The following PKHD1L1 variants were observed in gnomAD, a reference collection of about 807,000 sequenced individuals.
PKHD1L1 encodes the protein PKHD1 like 1, also known as fibrocystin-L.
In PKHD1L1, 434 loss-of-function variants were observed where a neutral mutation model predicts 462.9. The observed-to-expected ratio is 0.94, with a 90% CI of 0.87 to 1.02. The LOEUF (loss-of-function observed/expected upper bound fraction) is 1.02, where lower values mean the gene tolerates loss of function less well. Among genes scored for constraint, PKHD1L1 ranks in the 50% least tolerant of loss-of-function variants. The pLI is 0.00. For missense variants in PKHD1L1, 5,202 were observed against 5,096.1 expected, an observed-to-expected ratio of 1.02 and a Z score of -0.63; for synonymous variants, 1,781 against 1,750.0, an observed-to-expected ratio of 1.02 and a Z score of -0.44.
In PKHD1L1 at chr8:109,438,420, A is replaced by G. The variant is rs540463740; in HGVS notation, c.3724A>G (p.Ile1242Val). ...FSYNCLQTPI[I>V]TDFSPKVRTI... ...TTATAATTGTTTACAGACACCAATTATAACTGATTTTAGTCCAAAAGTACG... is the reference window on the plus strand; with the variant it reads ...TTATAATTGTTTACAGACACCAATTGTAACTGATTTTAGTCCAAAAGTACG... Residue 1242 changes from isoleucine (I) to valine (V), a missense_variant, in exon 31 of 78, where the codon ATA (isoleucine) becomes GTA (valine). Physicochemically the swap from Ile to Val is conservative, Grantham distance 29. This residue lies in a region of PKHD1L1 where 4,497 missense variants were observed against 4,336.8 expected (regional missense o/e 1.04). Coordinates refer to ENST00000378402, the MANE Select transcript of PKHD1L1 (RefSeq NM_177531.6). 1.4e-5 allele frequency: 22 copies of G among 1,541,138 alleles called. No homozygotes were observed. The East Asian group carries it at 4.9e-4, about 34-fold the overall frequency.
chr8:109,365,957 A>G (rs745975198), intron 2 of PKHD1L1, among the ~76,000 whole-genome samples: 25 of 152,172 alleles, frequency 1.6e-4, no homozygotes, highest in Non-Finnish European at 2.1e-4. Flanking sequence ...CTGGCGACAG[A>G]GCGAGTCTCC....
intron 55 of PKHD1L1, among the ~76,000 whole-genome samples, chr8:109,481,007 C>G (rs964735428): frequency 6.6e-6 from 1 of 151,756 alleles, no homozygotes; most frequent in Non-Finnish European, 1.5e-5. Flanking sequence ...ATATGTGAAG[C>G]CTTACACATT....
At chr8:109,518,123 T>C in intron 72 of PKHD1L1, 44 bp from the exon 73 acceptor site, 1 of 1,215,180 alleles carries the variant, frequency 8.2e-7, no homozygotes, top group South Asian at 1.5e-5. Context: ...ATTGTGATAA[T>C]ATAAAATACT....
At position 109,401,473 on chromosome 8, in the gene PKHD1L1, CTG is replaced by C; in HGVS notation, c.1282-22_1282-21del. 4 of 1,281,624 alleles carry C rather than the reference CTG, an allele frequency of 3.1e-6. No individual in the cohort carries two copies. In the South Asian group the frequency reaches 5.1e-5, roughly 16 times the overall value. The allele number at this position is 1,281,624 out of a possible 1,614,324, so 79.4% of individuals were successfully genotyped here. On this transcript the variant is annotated intron_variant, in intron 13 of 77. Coordinates refer to ENST00000378402, the MANE Select transcript of PKHD1L1 (RefSeq NM_177531.6). Reference sequence around the variant, plus strand: ...TCTATTAATAAATTCTCCCTTTTCTCTGTCTCTGTCTCTCTCGGATTAGGTGA... The same window carrying C: ...TCTATTAATAAATTCTCCCTTTTCTCTCTCTGTCTCTCTCGGATTAGGTGA...
At chr8:109,446,888 A>T (rs957742977) in intron 38 of PKHD1L1, among the ~76,000 whole-genome samples, 1 of 152,178 alleles carries the variant, frequency 6.6e-6, no homozygotes, top group Non-Finnish European at 1.5e-5. Flanking sequence ...GTCAAGCAAA[A>T]TTAAATGTTA....
Position 109,382,521 on chromosome 8 carries a change from G to C in PKHD1L1, c.367G>C (p.Glu123Gln). 1.2e-6 allele frequency: 2 copies of C among 1,612,666 alleles called. No individual in the cohort carries two copies. The highest frequency in any genetic ancestry group is 1.7e-6 in the Non-Finnish European group (2 of 1,179,226). ...CAGTGTGGACGGGGTTCCTGTTACG[G>C]AAAATAACACCTGCAAAGGTCACAT... The part of the protein sequence containing the change: ...RVSVDGVPVT[E>Q]NNTCKGHINS... The change falls in exon 4 of 78, where the codon GAA becomes CAA. Residue 123 changes from glutamate to glutamine, a missense_variant. Around this residue, in one of 3 missense-constraint regions of PKHD1L1, gnomAD observed 4,497 missense variants for 4,336.8 expected, o/e 1.04. Transcript: ENST00000378402.
rs761584410 is a variant in PKHD1L1 at position 109,448,283 on chromosome 8, G to A, written c.5917G>A (p.Ala1973Thr). The change falls in exon 39 of 78, where the codon GCT becomes ACT. Residue 1973 changes from alanine (A) to threonine (T), a missense_variant. Coordinates refer to ENST00000378402, the MANE Select transcript of PKHD1L1 (RefSeq NM_177531.6). The stretch of plus-strand genomic sequence containing the variant: ...GGTGCAGTGCATCGTGGGAGATCAT[G>A]CTGGGGGCACATTTCCTGTTATGAT... ...SVVQCIVGDH[A>T]GGTFPVMMHH... The A allele has an allele frequency of 5.0e-6, 8 of 1,613,576 alleles. No individual in the cohort carries two copies. In the East Asian group the frequency reaches 1.6e-4, roughly 31 times the overall value.
At chr8:109,427,987 C>A (rs1814857617) in intron 25 of PKHD1L1, among the ~76,000 whole-genome samples, 1 of 135,738 alleles carries the variant, frequency 7.4e-6, no homozygotes, top group South Asian at 2.5e-4. Context: ...ATTGCCATTG[C>A]ACTCCAGCCT....
At chr8:109,508,803 T>A (rs574859277) in intron 70 of PKHD1L1, among the ~76,000 whole-genome samples, 22 of 152,236 alleles carry the variant, frequency 1.4e-4, no homozygotes, top group African/African-American at 5.1e-4. Context: ...AGCTCTAGCA[T>A]CAGGTTTCTT....
intron 35 of PKHD1L1, among the ~76,000 whole-genome samples, chr8:109,442,709 A>G (rs1406258486): frequency 2.0e-5 from 3 of 152,142 alleles, no homozygotes; most frequent in Non-Finnish European, 4.4e-5. Flanking sequence ...CAGACTTGCC[A>G]TGGTTTTCTA....
Position 109,485,039 on chromosome 8 carries a change from C to A in PKHD1L1, c.9577-5C>A. Reference sequence around the variant, plus strand: ...TCTTAAATTTGGCACTTGAATTTTTCTAAGGAGGGAGAAGAGATTGTGATA... The same window carrying A: ...TCTTAAATTTGGCACTTGAATTTTTATAAGGAGGGAGAAGAGATTGTGATA... On this transcript the variant is annotated splice_region_variant and splice_polypyrimidine_tract_variant and intron_variant, in intron 57 of 77. Coordinates refer to ENST00000378402, the MANE Select transcript of PKHD1L1 (RefSeq NM_177531.6). 1 of 1,558,614 alleles carries A rather than the reference C, an allele frequency of 6.4e-7. No homozygotes were observed. The highest frequency in any genetic ancestry group is 8.6e-7 in the Non-Finnish European group (1 of 1,158,200).
At chr8:109,444,114 C>CT (rs1215773989) in intron 37 of PKHD1L1, among the ~76,000 whole-genome samples, 1 of 97,764 alleles carries the variant, frequency 1.0e-5, no homozygotes, top group African/African-American at 4.8e-5. Context: ...TTTTCATTAC[C>CT]TCCCCCCCCC....
In PKHD1L1 at chr8:109,429,448, A is replaced by G; in HGVS notation, c.3109A>G (p.Ser1037Gly). 6.2e-7 allele frequency: 1 copy of G among 1,608,140 alleles called. No homozygotes were observed. The highest frequency in any genetic ancestry group is 8.5e-7 in the Non-Finnish European group (1 of 1,176,910). ...HVLGDLLRTP[S>G]QQPQVEVYVN... ...ACTTGGAGACCTACTTCGTACACCC[A>G]GTCAACAGCCACAGGTATTTTTGAA... Residue 1037 changes from serine (S) to glycine (G), a missense_variant, in exon 26 of 78, where the codon AGT (serine) becomes GGT (glycine). This residue lies in a region of PKHD1L1 where 4,497 missense variants were observed against 4,336.8 expected (regional missense o/e 1.04). Transcript: ENST00000378402.
chr8:109,485,805 A>T (rs1379780921), intron 58 of PKHD1L1, among the ~76,000 whole-genome samples: 1 of 151,918 alleles, frequency 6.6e-6, no homozygotes, highest in African/African-American at 2.4e-5. Context: ...CAGACATTTG[A>T]CCTGCATGAA....
Position 109,481,574 on chromosome 8 carries a change from C to T in PKHD1L1, c.9457+12C>T. 1 of 1,554,906 alleles carries T rather than the reference C, an allele frequency of 6.4e-7. No individual in the cohort carries two copies. Among genetic ancestry groups the T allele is most frequent in the South Asian group, 1.3e-5 (1 of 79,864 alleles). The stretch of plus-strand genomic sequence containing the variant: ...GGCAAAGGTCTTAGGTGTGTGTCTA[C>T]AGATACCAAAAGTGTCACATCTGTT... On this transcript the variant is annotated intron_variant, in intron 56 of 77. Transcript: ENST00000378402.
At chr8:109,449,580 G>T in intron 40 of PKHD1L1, 93 bp downstream of exon 40, 1 of 1,168,142 alleles carries the variant, frequency 8.6e-7, no homozygotes. Flanking sequence ...TGGATTCCTT[G>T]GAGTAATTAA....
At chr8:109,450,193 A>G (rs577606763) in intron 40 of PKHD1L1, among the ~76,000 whole-genome samples, 2 of 152,276 alleles carry the variant, frequency 1.3e-5, no homozygotes, top group African/African-American at 4.8e-5. Flanking sequence ...CTCTAATTCA[A>G]TGGATTGTTG....
At chr8:109,362,782 G>C (rs1184715367) in intron 1 of PKHD1L1, 129 bp downstream of exon 1, 3 of 964,552 alleles carry the variant, frequency 3.1e-6, no homozygotes, top group Non-Finnish European at 4.8e-6. Context: ...GTTGCATGAC[G>C]ATCCTGGGGA....
rs976304050 is a variant in PKHD1L1, at chr8:109,518,221, G to C, written c.11744G>C (p.Gly3915Ala). ...STVLGENYFD[G>A]TYQMLYLLVK... is the part of the protein sequence containing the mutation. The stretch of plus-strand genomic sequence containing the variant: ...GTCCTTGGTGAAAACTACTTTGATG[G>C]AACCTACCAGATGCTTTATCTTTTG... Residue 3915 changes from glycine (G) to alanine (A), a missense_variant, in exon 73 of 78, where the codon GGA (glycine) becomes GCA (alanine). Around this residue, in one of 3 missense-constraint regions of PKHD1L1, gnomAD observed 698 missense variants for 736.3 expected, o/e 0.95. Transcript: ENST00000378402. 1.2e-6 allele frequency: 2 copies of C among 1,610,730 alleles called. No homozygotes were observed. The highest frequency in any genetic ancestry group is 1.3e-5 in the African/African-American group (1 of 74,790).
Sources: gnomAD v4.1 joint callset for allele counts (sites outside exome capture counted in the v4.1 genomes callset) on GRCh38, gnomAD v4.1.1 for gene constraint, gnomAD v4.1.1 regional missense constraint, MANE v1.5 for transcripts, NCBI Gene and HGNC (gene_info 2026-07-23, HGNC 2026-07-21) for gene names.